Variants in FAM117B observed in about 807,000 individuals in gnomAD.
FAM117B encodes the protein protein FAM117B.
Under a neutral mutation model 52.8 loss-of-function variants are expected in FAM117B, and 22 were observed. The ratio of observed to expected loss-of-function variants is 0.42; its 90% CI spans 0.30 to 0.59. The LOEUF is 0.59. Ranked by LOEUF, FAM117B falls within the 20% of genes least tolerant of loss-of-function variation. FAM117B has a pLI of 0.22. For missense variants in FAM117B, 678 were observed against 802.6 expected (o/e 0.84, Z 1.88); for synonymous variants, 309 against 324.1 (o/e 0.95, Z 0.50).
At chr2:202,668,501 CTG>C (rs1411566812) in intron 1 of FAM117B, among the ~76,000 whole-genome samples, 1 of 127,932 alleles carries the variant, frequency 7.8e-6, no homozygotes, top group Non-Finnish European at 1.6e-5. Context: ...GCACTCCAGA[CTG>C]TGTGACAGAG....
intron 1 of FAM117B, among the ~76,000 whole-genome samples, chr2:202,676,970 A>G (rs531982820): frequency 5.3e-5 from 8 of 152,298 alleles, no homozygotes; most frequent in South Asian, 2.1e-4. Context: ...ATGTAGAGGC[A>G]GAAAGCTTAG....
intron 6 of FAM117B, 26 bp downstream of exon 6, chr2:202,757,464 T>C (rs369446329): frequency 9.6e-5 from 153 of 1,596,962 alleles, no homozygotes; most frequent in Non-Finnish European, 1.3e-4. Context: ...AATGTGCTAC[T>C]AGATGATAAT....
intron 2 of FAM117B, among the ~76,000 whole-genome samples, chr2:202,719,525 G>A (rs1377020121): frequency 6.6e-6 from 1 of 152,124 alleles, no homozygotes; most frequent in African/African-American, 2.4e-5. Flanking sequence ...GTACAATTAT[G>A]TTATAATTTG....
chr2:202,740,482 C>A (rs1335900975), intron 4 of FAM117B, among the ~76,000 whole-genome samples: 4 of 151,408 alleles, frequency 2.6e-5, no homozygotes, highest in African/African-American at 9.7e-5. Flanking sequence ...GGTTGCTTTG[C>A]ATTATTACTG....
chr2:202,699,449 G>GAAAAAAAAAAAAAAAAAAAAAAAAAAA (rs59522030), intron 2 of FAM117B, among the ~76,000 whole-genome samples: 1 of 100,028 alleles, frequency 1.0e-5, no homozygotes, highest in Non-Finnish European at 1.9e-5. Flanking sequence ...AAAAAAAAAA[G>GAAAAAAAAAAAAAAAAAAAAAAAAAAA]AAAAAAAAAA....
chr2:202,637,123 C>T (rs560664707), intron 1 of FAM117B, among the ~76,000 whole-genome samples: 25 of 152,008 alleles, frequency 1.6e-4, no homozygotes, highest in African/African-American at 6.0e-4. Context: ...TCTCGAACTC[C>T]TGACCTCAGG....
chr2:202,650,405 C>G (rs540498983), intron 1 of FAM117B, among the ~76,000 whole-genome samples: 1 of 152,094 alleles, frequency 6.6e-6, no homozygotes, highest in East Asian at 1.9e-4. Context: ...GAGCATAATG[C>G]ACTAAAATTT....
At position 202,635,613 on chromosome 2, in the gene FAM117B, G is replaced by A. The variant is rs1163573803; in HGVS notation, c.426G>A (p.Pro142=). 6 of 1,282,914 alleles carry A rather than the reference G, an allele frequency of 4.7e-6. No individual in the cohort carries two copies. The African/African-American group carries it at 4.8e-5, about 10-fold the overall frequency. The allele number at this position is 1,282,914 out of a possible 1,614,324, so 79.5% of individuals were successfully genotyped here. A position where few individuals can be genotyped will look rare whatever the true frequency, so the allele number is the denominator to read the frequency against. The change falls in exon 1 of 8, where the codon CCG becomes CCA. Residue 142 remains proline (P), a synonymous_variant. Coordinates refer to ENST00000392238, the MANE Select transcript of FAM117B (RefSeq NM_173511.4). ...GARGSPPRPP[P]PPPLLGTVSS... Reference sequence around the variant, plus strand: ...GCGGGAGCCCCCCACGGCCGCCGCCGCCGCCGCCGCTGCTGGGCACCGTGT... The same window carrying A: ...GCGGGAGCCCCCCACGGCCGCCGCCACCGCCGCCGCTGCTGGGCACCGTGT...
chr2:202,688,182 T>G (rs1434139527), intron 1 of FAM117B, among the ~76,000 whole-genome samples: 1 of 152,212 alleles, frequency 6.6e-6, no homozygotes, highest in African/African-American at 2.4e-5. Flanking sequence ...ATTTGATTAT[T>G]CTTCTGTATG....
chr2:202,767,853 T>G lies in FAM117B; in HGVS notation c.*2089T>G, dbSNP rs1215982510. ...TGGTGGGATTGATGAACTTTGGTAC[T>G]TTCTCAATCCAAAACTAATTTATTT... On this transcript the variant is annotated 3_prime_UTR_variant, in exon 8 of 8. Coordinates refer to ENST00000392238, the MANE Select transcript of FAM117B (RefSeq NM_173511.4). 6.6e-6 allele frequency: 1 copy of G among 152,232 alleles called. No homozygotes were observed. Among genetic ancestry groups the G allele is most frequent in the Non-Finnish European group, 1.5e-5 (1 of 68,032 alleles). 9.4% of individuals were successfully genotyped at this position (152,232 alleles called of 1,614,324 possible).
intron 4 of FAM117B, among the ~76,000 whole-genome samples, chr2:202,737,226 TAG>T (rs796319000): frequency 9.2e-5 from 14 of 152,316 alleles, no homozygotes; most frequent in African/African-American, 3.4e-4. Flanking sequence ...TAACTGTCTC[TAG>T]GAAAGGACCT....
chr2:202,639,860 G>A (rs1172566248), intron 1 of FAM117B, among the ~76,000 whole-genome samples: 4 of 152,072 alleles, frequency 2.6e-5, no homozygotes, highest in African/African-American at 9.7e-5. Context: ...CAGTTTTCAT[G>A]GTTGTATGAA....
intron 1 of FAM117B, among the ~76,000 whole-genome samples, chr2:202,692,079 T>A (rs1263805747): frequency 6.6e-6 from 1 of 152,178 alleles, no homozygotes; most frequent in Non-Finnish European, 1.5e-5. Flanking sequence ...GGATCTTATG[T>A]GGGTCACATA....
At chr2:202,696,336 CTT>C (rs1316967487) in intron 2 of FAM117B, among the ~76,000 whole-genome samples, 1 of 152,128 alleles carries the variant, frequency 6.6e-6, no homozygotes, top group Non-Finnish European at 1.5e-5. Context: ...GGTGTCCAAT[CTT>C]TTGTCTTCCC....
At chr2:202,638,386 G>T (rs958788195) in intron 1 of FAM117B, among the ~76,000 whole-genome samples, 3 of 152,086 alleles carry the variant, frequency 2.0e-5, no homozygotes, top group African/African-American at 7.2e-5. Context: ...GAGGAGAACT[G>T]GGTTGAATTA....
chr2:202,724,156 C>T (rs951027964), intron 2 of FAM117B, among the ~76,000 whole-genome samples: 1 of 139,154 alleles, frequency 7.2e-6, no homozygotes, highest in Non-Finnish European at 1.5e-5. Flanking sequence ...CTCCCGGGTT[C>T]AAGCGATTCT....
chr2:202,756,452 T>C (rs1221793815), intron 5 of FAM117B, among the ~76,000 whole-genome samples: 1 of 152,200 alleles, frequency 6.6e-6, no homozygotes. Context: ...AAAAATTAAC[T>C]GTTTTGGTTT....
intron 1 of FAM117B, among the ~76,000 whole-genome samples, chr2:202,648,283 G>T (rs1231101018): frequency 6.6e-6 from 1 of 152,152 alleles, no homozygotes; most frequent in South Asian, 2.1e-4. Flanking sequence ...GCCGAGATGT[G>T]TAGATTGCCT....
intron 5 of FAM117B, 71 bp from the exon 6 acceptor site, chr2:202,757,142 G>C (rs997292778): frequency 1.4e-6 from 2 of 1,435,000 alleles, no homozygotes; most frequent in East Asian, 4.9e-5. Flanking sequence ...TGGGAAGGTT[G>C]ACATTGGGTT....
Sources: gnomAD v4.1 joint callset for allele counts (sites outside exome capture counted in the v4.1 genomes callset) on GRCh38, gnomAD v4.1.1 for gene constraint, MANE v1.5 for transcripts, NCBI Gene and HGNC (gene_info 2026-07-23, HGNC 2026-07-21) for gene names.